Variants in CPEB4 observed in about 807,000 individuals in gnomAD.
CPEB4 encodes cytoplasmic polyadenylation element-binding protein 4.
CPEB4 carries 12 observed loss-of-function variants against 72.5 expected under a neutral mutation model. The observed-to-expected ratio is 0.17, with a 90% CI of 0.11 to 0.27. The LOEUF is 0.27. CPEB4 is among the 10% of genes least tolerant of loss of function. The pLI, the probability that CPEB4 is intolerant of heterozygous loss-of-function variation, is 1.00. For missense variants in CPEB4, 614 were observed against 908.5 expected, an observed-to-expected ratio of 0.68 and a Z score of 4.17; for synonymous variants, 302 against 326.3, an observed-to-expected ratio of 0.93 and a Z score of 0.80.
rs1233803118 is a variant in CPEB4 at position 173,961,015 on chromosome 5, C to G, written c.*4878C>G. 3 of 152,154 alleles carry G rather than the reference C, an allele frequency of 2.0e-5. No homozygotes were observed. The highest frequency in any genetic ancestry group is 4.4e-5 in the Non-Finnish European group (3 of 68,026). 9.4% of individuals were successfully genotyped at this position (152,154 alleles called of 1,614,324 possible). On this transcript the variant is annotated 3_prime_UTR_variant, in exon 10 of 10. Coordinates refer to ENST00000265085, the MANE Select transcript of CPEB4 (RefSeq NM_030627.4). Reference sequence around the variant, plus strand: ...TATCCTGTTTTGTCAGATTTAATATCTGTTCTTTCTTGAGTATAGTATTCT... The same window carrying G: ...TATCCTGTTTTGTCAGATTTAATATGTGTTCTTTCTTGAGTATAGTATTCT...
rs776437483 is a variant in CPEB4 at position 173,890,264 on chromosome 5, TTCC to T, written c.537_539del (p.Ser180del). 1 of 1,614,096 alleles carries T rather than the reference TTCC, an allele frequency of 6.2e-7. No individual in the cohort carries two copies. Among genetic ancestry groups the T allele is most frequent in the East Asian group, 2.2e-5 (1 of 44,884 alleles). On this transcript the variant is annotated inframe_deletion, in exon 1 of 10. Coordinates refer to ENST00000265085, the MANE Select transcript of CPEB4 (RefSeq NM_030627.4). ...GTAACTGGTCAGCAGCGATAGCGCCTTCCTCCTCTACAATAATCAATGAAGATG... is the reference window on the plus strand; with the variant it reads ...GTAACTGGTCAGCAGCGATAGCGCCTTCCTCTACAATAATCAATGAAGATG...
chr5:173,927,229 T>C (rs929202107), intron 2 of CPEB4, among the ~76,000 whole-genome samples: 2 of 152,146 alleles, frequency 1.3e-5, no homozygotes, highest in African/African-American at 2.4e-5. Flanking sequence ...TATATTAATA[T>C]TCAGACATCT....
chr5:173,944,735 A>G (rs909442673), intron 4 of CPEB4, among the ~76,000 whole-genome samples: 10 of 152,116 alleles, frequency 6.6e-5, no homozygotes, highest in African/African-American at 1.9e-4. Context: ...TCTGGATCCC[A>G]GTGGGATACT....
chr5:173,930,862 G>A (rs1170141884), intron 2 of CPEB4, among the ~76,000 whole-genome samples: 10 of 151,918 alleles, frequency 6.6e-5, no homozygotes, highest in East Asian at 1.9e-4. Flanking sequence ...GGTAGCGGGC[G>A]CCTGTAGTCC....
intron 1 of CPEB4, among the ~76,000 whole-genome samples, chr5:173,905,018 A>AT (rs1353300223): frequency 0.08 from 2,932 of 36,674 alleles, 47 homozygotes; most frequent in Non-Finnish European, 0.13. Flanking sequence ...AATAATAATA[A>AT]AAAAATGTAA....
At chr5:173,941,654 C>T (rs1305969155) in intron 3 of CPEB4, among the ~76,000 whole-genome samples, 1 of 151,770 alleles carries the variant, frequency 6.6e-6, no homozygotes, top group Non-Finnish European at 1.5e-5. Context: ...GGGCAGATCA[C>T]TTGAGATCAG....
chr5:173,960,236 A>G lies in CPEB4; in HGVS notation c.*4099A>G, dbSNP rs1436212139. ...GTTATTAAATAGTTTGCAAATGACTATTTATACCAGTATGCATATAATTTT... is the reference window on the plus strand; with the variant it reads ...GTTATTAAATAGTTTGCAAATGACTGTTTATACCAGTATGCATATAATTTT... On this transcript the variant is annotated 3_prime_UTR_variant, in exon 10 of 10. Coordinates refer to ENST00000265085, the MANE Select transcript of CPEB4 (RefSeq NM_030627.4). The G allele has an allele frequency of 6.6e-6, 1 of 152,646 alleles. No homozygotes were observed. Among genetic ancestry groups the G allele is most frequent in the Admixed American group, 6.5e-5 (1 of 15,282 alleles). The allele number at this position is 152,646 out of a possible 1,614,324, so 9.5% of individuals were successfully genotyped here. A position where few individuals can be genotyped will look rare whatever the true frequency, so the allele number is the denominator to read the frequency against.
intron 5 of CPEB4, 31 bp from the exon 6 acceptor site, chr5:173,949,477 A>G (rs748795731): frequency 6.9e-7 from 1 of 1,448,432 alleles, no homozygotes; most frequent in East Asian, 2.3e-5. Context: ...AAAAATATTT[A>G]AATCTACTGT....
intron 1 of CPEB4, among the ~76,000 whole-genome samples, chr5:173,906,741 A>T (rs1311289389): frequency 6.6e-6 from 1 of 152,242 alleles, no homozygotes; most frequent in Non-Finnish European, 1.5e-5. Context: ...GGAAAAAATT[A>T]GTATCATTAC....
intron 9 of CPEB4, among the ~76,000 whole-genome samples, chr5:173,954,152 AATAG>A (rs1237134434): frequency 2.0e-5 from 3 of 152,202 alleles, no homozygotes; most frequent in Non-Finnish European, 2.9e-5. Flanking sequence ...ATTGTGCTAA[AATAG>A]ATTGATTTTA....
intron 9 of CPEB4, 97 bp downstream of exon 9, chr5:173,953,369 A>T: frequency 2.2e-6 from 2 of 926,590 alleles, no homozygotes; most frequent in East Asian, 5.0e-5. Flanking sequence ...CAATAAAGTG[A>T]CAGCTGACAA....
intron 1 of CPEB4, 144 bp downstream of exon 1, chr5:173,891,002 G>T: frequency 2.5e-6 from 2 of 812,028 alleles, no homozygotes; most frequent in Admixed American, 3.4e-5. Context: ...CTTTATTTTA[G>T]CAGGAGTGTA....
Position 173,888,402 on chromosome 5 carries a change from C to A in CPEB4, c.-1332C>A. 2.2e-6 allele frequency: 1 copy of A among 454,594 alleles called. No homozygotes were observed. The highest frequency in any genetic ancestry group is 5.4e-5 in the South Asian group (1 of 18,466). 28.2% of individuals were successfully genotyped at this position (454,594 alleles called of 1,614,324 possible). A position where few individuals can be genotyped will look rare whatever the true frequency, so the allele number is the denominator to read the frequency against. ...CAGCCGCGGCTGCGGGACCCGGGCA[C>A]CGGGAGGCGGTGGCGGCGGCGGCGG... On this transcript the variant is annotated 5_prime_UTR_variant, in exon 1 of 10. Transcript: ENST00000265085. This position sits in a 1 kb window ranked among gnomAD's most constrained non-coding sequence, Gnocchi z 4.3.
intron 3 of CPEB4, among the ~76,000 whole-genome samples, chr5:173,938,712 C>T (rs574660735): frequency 1.3e-5 from 2 of 152,266 alleles, no homozygotes; most frequent in South Asian, 4.1e-4. Flanking sequence ...ATAGTAATAT[C>T]TTATCCTTCA....
chr5:173,898,849 G>A (rs1214631882), intron 1 of CPEB4, among the ~76,000 whole-genome samples: 2 of 152,120 alleles, frequency 1.3e-5, no homozygotes, highest in Non-Finnish European at 2.9e-5. Context: ...TCTAATTTTT[G>A]TACCTTTTAG....
At chr5:173,898,857 T>C (rs1252933049) in intron 1 of CPEB4, among the ~76,000 whole-genome samples, 1 of 152,170 alleles carries the variant, frequency 6.6e-6, no homozygotes, top group African/African-American at 2.4e-5. Context: ...TTGTACCTTT[T>C]AGTTCACCAT....
intron 1 of CPEB4, among the ~76,000 whole-genome samples, chr5:173,893,707 T>C (rs1163265313): frequency 6.6e-6 from 1 of 152,236 alleles, no homozygotes; most frequent in Non-Finnish European, 1.5e-5. Context: ...GTTATTGTTA[T>C]ATTGAAAGGA....
chr5:173,931,472 T>C (rs906704475), intron 2 of CPEB4, among the ~76,000 whole-genome samples: 1 of 152,194 alleles, frequency 6.6e-6, no homozygotes, highest in Non-Finnish European at 1.5e-5. Context: ...GGGACTATAG[T>C]AGAGAACTAA....
At chr5:173,891,845 T>C (rs1755824871) in intron 1 of CPEB4, among the ~76,000 whole-genome samples, 1 of 152,170 alleles carries the variant, frequency 6.6e-6, no homozygotes, top group African/African-American at 2.4e-5. Context: ...TTGAATCTAG[T>C]TTTCCCAACA....
Sources: gnomAD v4.1 joint callset for allele counts (sites outside exome capture counted in the v4.1 genomes callset) on GRCh38, gnomAD v4.1.1 for gene constraint, Gnocchi (gnomAD v3.1) non-coding constraint, MANE v1.5 for transcripts, NCBI Gene and HGNC (gene_info 2026-07-23, HGNC 2026-07-21) for gene names.